Variants in TECPR1 observed in about 807,000 individuals in gnomAD.
TECPR1 encodes tectonin beta-propeller repeat containing 1, also known as tectonin beta-propeller repeat-containing protein 1.
In TECPR1, 122 loss-of-function variants were observed where a neutral mutation model predicts 162.4. The observed-to-expected ratio is 0.75, with a 90% CI of 0.65 to 0.87. The LOEUF is 0.87. TECPR1 is among the 40% of genes least tolerant of loss of function. The probability of loss-of-function intolerance (pLI) is 0.00; values close to 1 mark genes in which losing one functional copy is unlikely to be tolerated. For synonymous variants in TECPR1, 642 were observed against 670.6 expected (o/e 0.96, Z 0.66); for missense variants, 1,432 against 1,618.2 (o/e 0.88, Z 1.97).
chr7:98,221,528 T>G, intron 23 of TECPR1, 133 bp downstream of exon 23: 1 of 693,370 alleles, frequency 1.4e-6, no homozygotes, highest in Non-Finnish European at 2.5e-6. Context: ...ATGCAGACCA[T>G]GTTGGCCAGG....
chr7:98,233,011 C>T, intron 11 of TECPR1, 39 bp from the exon 12 acceptor site: 10 of 1,553,466 alleles, frequency 6.4e-6, no homozygotes, highest in Non-Finnish European at 8.7e-6. Context: ...GGGCACTGTC[C>T]TGCCCGCAGC....
In TECPR1 at chr7:98,231,201, C is replaced by T. The variant is rs755030975; in HGVS notation, c.2124+23G>A. 8.1e-6 allele frequency: 13 copies of T among 1,610,144 alleles called. No individual in the cohort carries two copies. The Middle Eastern group carries it at 4.9e-4, about 61-fold the overall frequency. ...ACCATGGCTATCCCTCCCCCCGGCCCGAGGGGACCACCGACCACTCACCCA... is the reference window on the plus strand; with the variant it reads ...ACCATGGCTATCCCTCCCCCCGGCCTGAGGGGACCACCGACCACTCACCCA... On this transcript the variant is annotated intron_variant, in intron 14 of 25. Transcript: ENST00000447648.
chr7:98,228,865 C>G, intron 16 of TECPR1, 174 bp downstream of exon 16: 1 of 913,380 alleles, frequency 1.1e-6, no homozygotes, highest in Non-Finnish European at 1.6e-6. Context: ...GAAGTGGGTA[C>G]TGGCAGGGAC....
At chr7:98,227,354 T>C (rs1351020871) in intron 17 of TECPR1, among the ~76,000 whole-genome samples, 1 of 146,334 alleles carries the variant, frequency 6.8e-6, no homozygotes, top group Non-Finnish European at 1.5e-5. Flanking sequence ...ATCGCGCCAC[T>C]GCACTCCAGC....
intron 16 of TECPR1, 120 bp from the exon 17 acceptor site, chr7:98,228,236 G>A (rs969472598): frequency 6.4e-6 from 5 of 776,208 alleles, no homozygotes; most frequent in Admixed American, 2.0e-5. Context: ...CCAGGTCAGC[G>A]GAGAGGAGCA....
chr7:98,217,374 G>GGT lies in TECPR1; in HGVS notation c.*14_*15dup. 6.7e-7 allele frequency: 1 copy of GGT among 1,482,500 alleles called. No homozygotes were observed. Among genetic ancestry groups the GGT allele is most frequent in the Non-Finnish European group, 9.2e-7 (1 of 1,084,974 alleles). The allele number at this position is 1,482,500 out of a possible 1,614,324, so 91.8% of individuals were successfully genotyped here. A position where few individuals can be genotyped will look rare whatever the true frequency, so the allele number is the denominator to read the frequency against. On this transcript the variant is annotated 3_prime_UTR_variant, in exon 26 of 26. Coordinates refer to ENST00000447648, the MANE Select transcript of TECPR1 (RefSeq NM_015395.3). Reference sequence around the variant, plus strand: ...AAACTGGGCACCGTCCCTGCATGTAGGTGTGTGGGGGGGCCTCAGCAGCAG... The same window carrying GGT: ...AAACTGGGCACCGTCCCTGCATGTAGGTGTGTGTGGGGGGGCCTCAGCAGCAG...
At position 98,217,440 on chromosome 7, in the gene TECPR1, C is replaced by T. The variant is rs1376560590; in HGVS notation, c.3448G>A (p.Glu1150Lys). The change falls in exon 26 of 26, where the codon GAG becomes AAG. Residue 1150 changes from glutamate (E) to lysine (K), a missense_variant. Physicochemically the swap from Glu to Lys is moderately conservative, Grantham distance 56 (BLOSUM62 1). Coordinates refer to ENST00000447648, the MANE Select transcript of TECPR1 (RefSeq NM_015395.3). ...ATRAPRSSSQ[E>K]QEPSAPPEAH... ...TCTGGTGGGGCACTCGGCTCCTGCTCCTGGGACGAGCTCCGGGGGGCCCTG... is the reference window on the plus strand; with the variant it reads ...TCTGGTGGGGCACTCGGCTCCTGCTTCTGGGACGAGCTCCGGGGGGCCCTG... The T allele has an allele frequency of 6.2e-7, 1 of 1,609,716 alleles. No individual in the cohort carries two copies. The highest frequency in any genetic ancestry group is 1.7e-5 in the Admixed American group (1 of 59,738).
intron 25 of TECPR1, 84 bp downstream of exon 25, chr7:98,217,608 C>A: frequency 6.6e-7 from 1 of 1,524,508 alleles, no homozygotes. Flanking sequence ...TCCCAGGGGA[C>A]AGTCCCACAG....
intron 20 of TECPR1, 76 bp from the exon 21 acceptor site, chr7:98,223,246 CAGG>C (rs1798187534): frequency 1.1e-5 from 16 of 1,438,220 alleles, no homozygotes; most frequent in Non-Finnish European, 1.4e-5. Context: ...CCTCTGGAGC[CAGG>C]AGGAGGAAAG....
At chr7:98,231,716 CT>C in intron 13 of TECPR1, 87 bp downstream of exon 13, 2 of 1,503,376 alleles carry the variant, frequency 1.3e-6, no homozygotes, top group Non-Finnish European at 1.8e-6. Flanking sequence ...TACCCCTCCC[CT>C]GGGCACCCCC....
At chr7:98,227,821 CAAAAAA>C (rs61468739) in intron 17 of TECPR1, among the ~76,000 whole-genome samples, 187 bp downstream of exon 17, 2 of 102,600 alleles carry the variant, frequency 1.9e-5, no homozygotes, top group African/African-American at 7.7e-5. Flanking sequence ...GACCCTGTAT[CAAAAAA>C]AAAAAAAAAA....
rs535479243 is a variant in TECPR1, at chr7:98,233,331, C to T, written c.1672+90G>A. 272 of 1,371,466 alleles carry T rather than the reference C, an allele frequency of 2.0e-4. 1 individual carries two copies. In the South Asian group the frequency reaches 3.2e-3, roughly 16 times the overall value. 85.0% of individuals were successfully genotyped at this position (1,371,466 alleles called of 1,614,324 possible). On this transcript the variant is annotated intron_variant, in intron 11 of 25. Transcript: ENST00000447648. ...GTCCAGGGAGGACAGCAGGCCTGCC[C>T]GAGCCCCCTGACCCCGGCCTCCTCC...
At chr7:98,239,774 C>G (rs2116605878) in intron 8 of TECPR1, among the ~76,000 whole-genome samples, 1 of 152,084 alleles carries the variant, frequency 6.6e-6, no homozygotes, top group Non-Finnish European at 1.5e-5. Context: ...GTGGGCCGTC[C>G]ATCCCCCGGG....
At chr7:98,231,571 G>A (rs1254126740) in intron 13 of TECPR1, 198 bp from the exon 14 acceptor site, 1 of 528,424 alleles carries the variant, frequency 1.9e-6, no homozygotes. Flanking sequence ...CCCCTCCCCT[G>A]GGCACCCCCA....
At position 98,244,553 on chromosome 7, in the gene TECPR1, A is replaced by G. The variant is rs753515950; in HGVS notation, c.531+18T>C. The G allele has an allele frequency of 1.3e-6, 2 of 1,595,080 alleles. No homozygotes were observed. The highest frequency in any genetic ancestry group is 1.3e-5 in the African/African-American group (1 of 74,550). ...CCTGGCCCTATCCTGCCCCCAACCCACATTCAGGAACAGAGACCTTGGCCC... is the reference window on the plus strand; with the variant it reads ...CCTGGCCCTATCCTGCCCCCAACCCGCATTCAGGAACAGAGACCTTGGCCC... On this transcript the variant is annotated intron_variant, in intron 5 of 25. Coordinates refer to ENST00000447648, the MANE Select transcript of TECPR1 (RefSeq NM_015395.3).
At chr7:98,219,345 T>C (rs1188275133) in intron 23 of TECPR1, among the ~76,000 whole-genome samples, 3 of 152,168 alleles carry the variant, frequency 2.0e-5, no homozygotes, top group Admixed American at 2.0e-4. Flanking sequence ...GATTTCTGAC[T>C]AAGATTCCAA....
intron 15 of TECPR1, 131 bp downstream of exon 15, chr7:98,230,830 G>A: frequency 8.1e-7 from 1 of 1,229,394 alleles, no homozygotes; most frequent in Non-Finnish European, 1.1e-6. Flanking sequence ...GGGAACCAGT[G>A]GCCGTGCCTC....
rs147418621 is a variant in TECPR1, at chr7:98,223,805, G to A, written c.2691-87C>T. On this transcript the variant is annotated intron_variant, in intron 19 of 25. Coordinates refer to ENST00000447648, the MANE Select transcript of TECPR1 (RefSeq NM_015395.3). ...GCATGTAAACATTCTTGTTCTACCC[G>A]TTACAGGGCATGGGGACTGGGTGGA... 265 of 1,435,908 alleles carry A rather than the reference G, an allele frequency of 1.8e-4. No homozygotes were observed. In the African/African-American group the frequency reaches 2.9e-3, roughly 15 times the overall value. 88.9% of individuals were successfully genotyped at this position (1,435,908 alleles called of 1,614,324 possible).
In TECPR1 at chr7:98,217,386, G is replaced by A. The variant is rs946864288; in HGVS notation, c.*4C>T. Reference sequence around the variant, plus strand: ...GTCCCTGCATGTAGGTGTGTGGGGGGGCCTCAGCAGCAGACGGGGCCATGG... The same window carrying A: ...GTCCCTGCATGTAGGTGTGTGGGGGAGCCTCAGCAGCAGACGGGGCCATGG... On this transcript the variant is annotated 3_prime_UTR_variant, in exon 26 of 26. Coordinates refer to ENST00000447648, the MANE Select transcript of TECPR1 (RefSeq NM_015395.3). The A allele has an allele frequency of 3.2e-6, 5 of 1,550,248 alleles. No homozygotes were observed. Among genetic ancestry groups the A allele is most frequent in the Admixed American group, 3.5e-5 (2 of 57,014 alleles).
Sources: allele counts gnomAD v4.1 joint callset (sites outside exome capture counted in the v4.1 genomes callset), GRCh38; gene constraint gnomAD v4.1.1; transcripts MANE v1.5; gene names NCBI Gene and HGNC (gene_info 2026-07-23, HGNC 2026-07-21).